CTNNA3: variants seen among roughly 807,000 people sequenced by gnomAD.
CTNNA3 encodes catenin alpha 3, also known as catenin alpha-3.
A neutral mutation model predicts 95.7 loss-of-function variants in CTNNA3; 76 were observed. The ratio of observed to expected loss-of-function variants is 0.79; its 90% CI spans 0.66 to 0.96. The LOEUF (loss-of-function observed/expected upper bound fraction) is 0.96, where lower values mean the gene tolerates loss of function less well. Ranked by LOEUF, CTNNA3 falls within the 40% of genes least tolerant of loss-of-function variation. The probability of loss-of-function intolerance (pLI) is 0.00; values close to 1 mark genes in which losing one functional copy is unlikely to be tolerated. For missense variants in CTNNA3, 1,191 were observed against 1,089.8 expected (o/e 1.09, Z -1.31); for synonymous variants, 431 against 374.4 (o/e 1.15, Z -1.74).
At chr10:65,984,995 AG>A (rs2078398070) in intron 16 of CTNNA3, among the ~76,000 whole-genome samples, 1 of 151,036 alleles carries the variant, frequency 6.6e-6, no homozygotes, top group South Asian at 2.1e-4. Context: ...ACTAAAAAAA[AG>A]GATTAATAAA....
At chr10:67,259,754 C>T (rs574788425) in intron 5 of CTNNA3, among the ~76,000 whole-genome samples, 1 of 152,252 alleles carries the variant, frequency 6.6e-6, no homozygotes, top group South Asian at 2.1e-4. Flanking sequence ...AGTTTCTCAG[C>T]TGCAGGATAC....
intron 5 of CTNNA3, among the ~76,000 whole-genome samples, chr10:67,231,163 G>T (rs1043582647): frequency 6.6e-6 from 1 of 152,256 alleles, no homozygotes; most frequent in African/African-American, 2.4e-5. Flanking sequence ...CAAACTGGGT[G>T]GAGCCCACCA....
intron 6 of CTNNA3, among the ~76,000 whole-genome samples, chr10:67,200,068 T>G (rs951429714): frequency 5.9e-5 from 9 of 152,078 alleles, no homozygotes; most frequent in Non-Finnish European, 2.9e-5. Context: ...GAAGGAGTGC[T>G]TTATCTAGAG....
intron 7 of CTNNA3, among the ~76,000 whole-genome samples, chr10:67,145,164 G>A (rs2394329): frequency 6.6e-6 from 1 of 151,900 alleles, no homozygotes; most frequent in African/African-American, 2.4e-5. Flanking sequence ...TCCATGGTGC[G>A]CCAAAATAAT....
At chr10:66,618,963 CTCA>C (rs1409504031) in intron 10 of CTNNA3, among the ~76,000 whole-genome samples, 2 of 152,146 alleles carry the variant, frequency 1.3e-5, no homozygotes, top group African/African-American at 4.8e-5. Context: ...TGAAAAAATG[CTCA>C]TCATCACTGG....
chr10:65,949,537 G>A (rs140916735), intron 17 of CTNNA3, among the ~76,000 whole-genome samples: 1 of 152,208 alleles, frequency 6.6e-6, no homozygotes, highest in East Asian at 1.9e-4. Flanking sequence ...TTACTCATGT[G>A]CTTTACTGAA....
chr10:67,531,966 A>T (rs570434944), intron 4 of CTNNA3, among the ~76,000 whole-genome samples: 237 of 152,198 alleles, frequency 1.6e-3, no homozygotes, highest in African/African-American at 5.3e-3. Flanking sequence ...GCTGCCGTCC[A>T]TGTAAGATGT....
intron 7 of CTNNA3, among the ~76,000 whole-genome samples, chr10:67,069,012 C>T (rs1002086218): frequency 5.3e-5 from 8 of 151,674 alleles, no homozygotes; most frequent in Non-Finnish European, 1.0e-4. Flanking sequence ...GCTCAGATCA[C>T]CACTGAACTC....
At chr10:67,370,153 T>C (rs1056052403) in intron 5 of CTNNA3, among the ~76,000 whole-genome samples, 1 of 152,144 alleles carries the variant, frequency 6.6e-6, no homozygotes, top group African/African-American at 2.4e-5. Context: ...CAAACAAATT[T>C]TGGTATGTCT....
chr10:67,157,047 T>C (rs1861341281), intron 7 of CTNNA3, among the ~76,000 whole-genome samples: 1 of 152,210 alleles, frequency 6.6e-6, no homozygotes, highest in Non-Finnish European at 1.5e-5. Context: ...CTCCTTTCTC[T>C]CTTAGTACAG....
intron 1 of CTNNA3, among the ~76,000 whole-genome samples, chr10:67,705,573 A>G (rs1011586289): frequency 2.1e-5 from 3 of 146,102 alleles, no homozygotes; most frequent in Admixed American, 7.0e-5. Flanking sequence ...GTGGGAATTG[A>G]ACAATGAGAA....
At chr10:67,631,418 A>G (rs1333512786) in intron 2 of CTNNA3, among the ~76,000 whole-genome samples, 1 of 152,224 alleles carries the variant, frequency 6.6e-6, no homozygotes, top group East Asian at 1.9e-4. Context: ...GTGACATAAT[A>G]GTATCTATGA....
chr10:66,706,142 C>T (rs1424472114), intron 9 of CTNNA3, among the ~76,000 whole-genome samples: 1 of 151,900 alleles, frequency 6.6e-6, no homozygotes, highest in African/African-American at 2.4e-5. Context: ...CAAGAACATC[C>T]CCAGGTTTAC....
At chr10:67,513,456 G>A (rs527397247) in intron 5 of CTNNA3, among the ~76,000 whole-genome samples, 15 of 152,256 alleles carry the variant, frequency 9.9e-5, no homozygotes, top group South Asian at 2.1e-4. Context: ...GGAGGCTTGC[G>A]TTTTAGAGAA....
intron 17 of CTNNA3, among the ~76,000 whole-genome samples, chr10:65,947,173 C>A (rs549940242): frequency 6.7e-6 from 1 of 149,634 alleles, no homozygotes; most frequent in South Asian, 2.1e-4. Flanking sequence ...AAGCAGAGAA[C>A]ATTATTCTTC....
intron 7 of CTNNA3, among the ~76,000 whole-genome samples, chr10:66,882,301 G>A (rs1021398129): frequency 1.3e-5 from 2 of 152,064 alleles, no homozygotes; most frequent in Non-Finnish European, 2.9e-5. Flanking sequence ...AATTAAATTT[G>A]AGTTAGAGCA....
chr10:67,027,777 A>G (rs1261275408), intron 7 of CTNNA3, among the ~76,000 whole-genome samples: 3 of 152,162 alleles, frequency 2.0e-5, no homozygotes, highest in Admixed American at 6.6e-5. Flanking sequence ...TGCCTAGGAC[A>G]TATAATATGT....
chr10:67,478,598 A>T (rs1420775500), intron 5 of CTNNA3, among the ~76,000 whole-genome samples: 1 of 152,220 alleles, frequency 6.6e-6, no homozygotes, highest in Non-Finnish European at 1.5e-5. Context: ...ATTCATTACC[A>T]CTAGAGGAGC....
At position 67,287,533 on chromosome 10, in the gene CTNNA3, A is replaced by G. The variant is rs578081133; in HGVS notation, c.580-67663T>C. On this transcript the variant is annotated intron_variant, in intron 5 of 17. Coordinates refer to ENST00000433211, the MANE Select transcript of CTNNA3 (RefSeq NM_013266.4). Reference sequence around the variant, plus strand: ...TCACCATAAAAGGTACTCCTTATGCACATATTTCTCACACTGACTGCATAC... The same window carrying G: ...TCACCATAAAAGGTACTCCTTATGCGCATATTTCTCACACTGACTGCATAC... Among the ~76,000 whole-genome samples, 30 of 152,238 alleles carry G rather than the reference A, an allele frequency of 2.0e-4. 1 individual carries two copies. The highest frequency in any genetic ancestry group is 6.7e-4 in the African/African-American group (28 of 41,550).
Sources: allele counts gnomAD v4.1 joint callset (sites outside exome capture counted in the v4.1 genomes callset), GRCh38; gene constraint gnomAD v4.1.1; transcripts MANE v1.5; gene names NCBI Gene and HGNC (gene_info 2026-07-23, HGNC 2026-07-21).